TRAF3: variants seen among roughly 807,000 people sequenced by gnomAD.
The protein encoded by TRAF3 is TNF receptor associated factor 3.
TRAF3 carries 13 observed loss-of-function variants against 62.3 expected under a neutral mutation model. That is an observed-to-expected ratio of 0.21 (90% CI 0.14 to 0.33). The LOEUF is 0.33. TRAF3 is among the 10% of genes least tolerant of loss of function. TRAF3 has a pLI of 1.00. For synonymous variants in TRAF3, 269 were observed against 283.4 expected (o/e 0.95, Z 0.51); for missense variants, 440 against 741.8 (o/e 0.59, Z 4.73).
chr14:102,873,633 G>A (rs898968174), intron 4 of TRAF3, among the ~76,000 whole-genome samples: 1 of 152,196 alleles, frequency 6.6e-6, no homozygotes, highest in East Asian at 1.9e-4. Flanking sequence ...ATCCTCACCC[G>A]TCAGCAGGTC....
At chr14:102,882,169 C>A (rs980129712) in intron 6 of TRAF3, among the ~76,000 whole-genome samples, 1 of 152,140 alleles carries the variant, frequency 6.6e-6, no homozygotes, top group African/African-American at 2.4e-5. Context: ...AGGAGGTTGC[C>A]TTTCATTTGA....
rs529644162 is a variant in TRAF3 at position 102,856,726 on chromosome 14, C to A, written c.-17-13459C>A. Among the ~76,000 whole-genome samples, 65 of 152,126 alleles carry A rather than the reference C, an allele frequency of 4.3e-4. 2 individuals carry two copies. In the South Asian group the frequency reaches 0.013, roughly 32 times the overall value. ...TTCAGACACCCCTGACATGTTTCCC[C>A]CCTCCCTTTTACAGCAGAACCCTTA... On this transcript the variant is annotated intron_variant, in intron 2 of 11. Transcript: ENST00000392745.
intron 2 of TRAF3, among the ~76,000 whole-genome samples, chr14:102,851,091 T>G (rs1566774775): frequency 6.6e-6 from 1 of 152,214 alleles, no homozygotes; most frequent in Non-Finnish European, 1.5e-5. Context: ...ATTGGCAAGT[T>G]ACTAAAAGTT....
At chr14:102,853,633 G>A (rs532249355) in intron 2 of TRAF3, among the ~76,000 whole-genome samples, 2 of 151,988 alleles carry the variant, frequency 1.3e-5, no homozygotes, top group South Asian at 4.2e-4. Flanking sequence ...TCAAGAGTTC[G>A]AGACCAGCCT....
At chr14:102,882,572 T>G (rs868124258) in intron 6 of TRAF3, among the ~76,000 whole-genome samples, 1 of 151,518 alleles carries the variant, frequency 6.6e-6, no homozygotes, top group Admixed American at 6.6e-5. Flanking sequence ...ATTTTGTTTT[T>G]TTTTTTTTTC....
chr14:102,899,303 G>C (rs566743348), intron 10 of TRAF3, among the ~76,000 whole-genome samples: 1 of 152,318 alleles, frequency 6.6e-6, no homozygotes, highest in Non-Finnish European at 1.5e-5. Flanking sequence ...GGTGCTGGCT[G>C]TGTGGGAGCT....
intron 3 of TRAF3, among the ~76,000 whole-genome samples, chr14:102,871,555 G>A (rs980507772): frequency 2.0e-5 from 3 of 151,628 alleles, no homozygotes; most frequent in Non-Finnish European, 4.4e-5. Context: ...CTTTTACAAC[G>A]CAGGAGCAAG....
In TRAF3 at chr14:102,910,108, A is replaced by G. The variant is rs1464680800; in HGVS notation, c.*4324A>G. The G allele has an allele frequency of 6.6e-6, 1 of 152,156 alleles. No individual in the cohort carries two copies. The highest frequency in any genetic ancestry group is 1.5e-5 in the Non-Finnish European group (1 of 68,042). 9.4% of individuals were successfully genotyped at this position (152,156 alleles called of 1,614,324 possible). A position where few individuals can be genotyped will look rare whatever the true frequency, so the allele number is the denominator to read the frequency against. ...ACAGCCCCAGTAGGGTGGCAGTGCC[A>G]CTGTCTCCTTGGGCCGTTGCAGGAT... On this transcript the variant is annotated 3_prime_UTR_variant, in exon 12 of 12. Coordinates refer to ENST00000392745, the MANE Select transcript of TRAF3 (RefSeq NM_145725.3).
Position 102,903,429 on chromosome 14 carries a change from G to A in TRAF3, c.1135G>A (p.Gly379Ser). ...KSAGQVARNT[G>S]LLESQLSRHD... ...CGCGGGGCAAGTGGCTCGGAACACA[G>A]GTGAGGCAGGGGCCGGGGCCGGGCC... The change falls in exon 11 of 12, where the codon GGC (glycine) becomes AGC (serine). Residue 379 changes from glycine to serine, a missense_variant and splice_region_variant. By Grantham distance (56) the Gly-to-Ser change is moderately conservative. Around this residue, in one of 6 missense-constraint regions of TRAF3, gnomAD observed 41 missense variants for 40.0 expected, o/e 1.03. Transcript: ENST00000392745. The surrounding 1 kb of genome is among the most constrained non-coding windows in gnomAD (Gnocchi z 6.4). The A allele has an allele frequency of 6.2e-7, 1 of 1,613,716 alleles. No homozygotes were observed. The highest frequency in any genetic ancestry group is 8.5e-7 in the Non-Finnish European group (1 of 1,179,900).
At chr14:102,859,931 T>C (rs1007671809) in intron 2 of TRAF3, among the ~76,000 whole-genome samples, 3 of 152,124 alleles carry the variant, frequency 2.0e-5, no homozygotes, top group African/African-American at 4.8e-5. Context: ...CCCCAAAACT[T>C]GAGGGTCCCA....
chr14:102,778,203 T>C (rs1897111640), intron 1 of TRAF3, among the ~76,000 whole-genome samples: 1 of 151,096 alleles, frequency 6.6e-6, no homozygotes, highest in Non-Finnish European at 1.5e-5. Context: ...GGTCCGGGTA[T>C]GGGCAGAGGG....
chr14:102,806,025 T>C (rs1464818655), intron 1 of TRAF3, among the ~76,000 whole-genome samples: 3 of 18,998 alleles, frequency 1.6e-4, no homozygotes, highest in Non-Finnish European at 3.1e-4. Context: ...GGGGTGGGGG[T>C]GGGGTGCAGT....
At chr14:102,786,821 C>G (rs1442559070) in intron 1 of TRAF3, among the ~76,000 whole-genome samples, 1 of 152,128 alleles carries the variant, frequency 6.6e-6, no homozygotes, top group African/African-American at 2.4e-5. Flanking sequence ...AAGACCTTGT[C>G]TCTACAAAAA....
intron 9 of TRAF3, among the ~76,000 whole-genome samples, chr14:102,895,790 A>G (rs898204556): frequency 2.0e-5 from 3 of 152,166 alleles, no homozygotes; most frequent in African/African-American, 7.2e-5. Context: ...GATTTTGGAA[A>G]GGTCAAATGT....
rs1452209529 is a variant in TRAF3, at chr14:102,910,709, C to T, written c.*4925C>T. 1.3e-5 allele frequency: 2 copies of T among 152,278 alleles called. No individual in the cohort carries two copies. Among genetic ancestry groups the T allele is most frequent in the African/African-American group, 2.4e-5 (1 of 41,452 alleles). 9.4% of individuals were successfully genotyped at this position (152,278 alleles called of 1,614,324 possible). On this transcript the variant is annotated 3_prime_UTR_variant, in exon 12 of 12. Coordinates refer to ENST00000392745, the MANE Select transcript of TRAF3 (RefSeq NM_145725.3). Reference sequence around the variant, plus strand: ...TGGCAGGTGTGCGGGTGAGGAGGCCCCGGTGGCCAAGCAGAGCCTGCGTTT... The same window carrying T: ...TGGCAGGTGTGCGGGTGAGGAGGCCTCGGTGGCCAAGCAGAGCCTGCGTTT...
intron 1 of TRAF3, among the ~76,000 whole-genome samples, chr14:102,812,075 T>C (rs1005552517): frequency 6.6e-6 from 1 of 151,712 alleles, no homozygotes; most frequent in African/African-American, 2.4e-5. Context: ...AAGCTATATA[T>C]TATTGTTAAC....
intron 1 of TRAF3, among the ~76,000 whole-genome samples, chr14:102,802,094 G>A (rs1455584807): frequency 4.7e-5 from 7 of 148,548 alleles, no homozygotes; most frequent in African/African-American, 1.5e-4. Flanking sequence ...CCTAGTGGTC[G>A]TCCCACCTTG....
At chr14:102,835,097 T>G (rs1885917324) in intron 2 of TRAF3, among the ~76,000 whole-genome samples, 2 of 152,150 alleles carry the variant, frequency 1.3e-5, no homozygotes, top group South Asian at 4.2e-4. Flanking sequence ...GCAAAGGGCA[T>G]GCACAGTTAG....
At chr14:102,788,322 C>T (rs1595281651) in intron 1 of TRAF3, among the ~76,000 whole-genome samples, 2 of 152,054 alleles carry the variant, frequency 1.3e-5, no homozygotes, top group Non-Finnish European at 1.5e-5. Flanking sequence ...GCAGCTCAGC[C>T]GTATTTAGTG....
Sources: gnomAD v4.1 joint callset for allele counts (sites outside exome capture counted in the v4.1 genomes callset) on GRCh38, gnomAD v4.1.1 for gene constraint, gnomAD v4.1.1 regional missense constraint, Gnocchi (gnomAD v3.1) non-coding constraint, MANE v1.5 for transcripts, NCBI Gene and HGNC (gene_info 2026-07-23, HGNC 2026-07-21) for gene names.